FAM110A: variants seen among roughly 807,000 people sequenced by gnomAD.
FAM110A encodes protein FAM110A.
Under a neutral mutation model 4.0 loss-of-function variants are expected in FAM110A, and 1 was observed. That is an observed-to-expected ratio of 0.25 (90% CI 0.09 to 1.20). The LOEUF (loss-of-function observed/expected upper bound fraction) is 1.20, where lower values mean the gene tolerates loss of function less well. Ranked by LOEUF, FAM110A falls within the 50% of genes most tolerant of loss-of-function variation. The pLI is 0.50. For missense variants in FAM110A, 436 were observed against 429.2 expected (o/e 1.02, Z -0.14); for synonymous variants, 217 against 196.8 (o/e 1.10, Z -0.86).
Position 845,173 on chromosome 20 carries a change from C to A in FAM110A, c.369C>A (p.Ala123=). The A allele has an allele frequency of 6.4e-7, 1 of 1,571,272 alleles. No individual in the cohort carries two copies. The highest frequency in any genetic ancestry group is 1.2e-5 in the South Asian group (1 of 85,864). ...LCDSPVSPAE[A]SRTPGRAEGA... ...ACAGCCCCGTGTCCCCTGCCGAGGC[C>A]AGCCGCACTCCTGGACGGGCCGAGG... The change falls in exon 2 of 2, where the codon GCC becomes GCA. Residue 123 remains alanine, a synonymous_variant. Transcript: ENST00000381941.
chr20:845,386 C>G lies in FAM110A; in HGVS notation c.582C>G (p.Arg194=). The change falls in exon 2 of 2, where the codon CGC becomes CGG. Residue 194 remains arginine (R), a synonymous_variant. Transcript: ENST00000381941. ...LQRSKSDLSE[R]FSRAAADLER... ...GCTCCAAGTCGGACTTGAGCGAGCG[C>G]TTTTCTAGGGCAGCCGCTGATCTCG... 6.2e-7 allele frequency: 1 copy of G among 1,613,242 alleles called. No individual in the cohort carries two copies. The highest frequency in any genetic ancestry group is 8.5e-7 in the Non-Finnish European group (1 of 1,179,774).
chr20:845,998 C>T lies in FAM110A; in HGVS notation c.*306C>T. 1 of 405,308 alleles carries T rather than the reference C, an allele frequency of 2.5e-6. No individual in the cohort carries two copies. Among genetic ancestry groups the T allele is most frequent in the Non-Finnish European group, 4.6e-6 (1 of 216,922 alleles). 25.1% of individuals were successfully genotyped at this position (405,308 alleles called of 1,614,324 possible). On this transcript the variant is annotated 3_prime_UTR_variant, in exon 2 of 2. Coordinates refer to ENST00000381941, the MANE Select transcript of FAM110A (RefSeq NM_001042353.3). ...GGCTGCATTTGCGGTGCTTTGCCCTCCCCACTGTGAGTGAGGGGCCAAGGG... is the reference window on the plus strand; with the variant it reads ...GGCTGCATTTGCGGTGCTTTGCCCTTCCCACTGTGAGTGAGGGGCCAAGGG...
chr20:839,573 T>G, intron 1 of FAM110A: 2 of 1,003,336 alleles, frequency 2.0e-6, no homozygotes, highest in African/African-American at 3.2e-5. Context: ...TGTAGGTATC[T>G]CTGTCAGCTT....
At position 844,857 on chromosome 20, in the gene FAM110A, G is replaced by A. The variant is rs1980181251; in HGVS notation, c.53G>A (p.Cys18Tyr). 17 of 1,536,640 alleles carry A rather than the reference G, an allele frequency of 1.1e-5. No homozygotes were observed. Among genetic ancestry groups the A allele is most frequent in the Non-Finnish European group, 1.5e-5 (17 of 1,140,994 alleles). ...PGAPSAPALP[C>Y]RLRTRVPGYL... ...GCCCCGTCCGCCCCCGCCCTACCTT[G>A]CCGCCTGCGGACCAGGGTCCCTGGC... Residue 18 changes from cysteine to tyrosine, a missense_variant, in exon 2 of 2, where the codon TGC becomes TAC. Cys to Tyr is a radical substitution (Grantham distance 194, BLOSUM62 -2). Transcript: ENST00000381941.
chr20:835,164 ATCTCTCTCTCTCTCTC>A (rs143746608), intron 1 of FAM110A, among the ~76,000 whole-genome samples: 45 of 136,350 alleles, frequency 3.3e-4, no homozygotes, highest in African/African-American at 1.1e-3. Flanking sequence ...CAGTCCTCCC[ATCTCTCTCTCTCTCTC>A]TCTCTCTCTC....
intron 1 of FAM110A, among the ~76,000 whole-genome samples, chr20:835,002 C>G (rs1979494657): frequency 6.6e-6 from 1 of 151,936 alleles, no homozygotes; most frequent in Non-Finnish European, 1.5e-5. Context: ...TCATCTTCTC[C>G]CACTGTGATG....
chr20:838,522 T>TAA (rs10693381), intron 1 of FAM110A, among the ~76,000 whole-genome samples: 56,105 of 151,792 alleles, frequency 0.37, 11,235 homozygotes, highest in African/African-American at 0.53. Flanking sequence ...CTATCCTAGA[T>TAA]AAGAGTATCT....
chr20:835,457 C>T (rs1003953633), intron 1 of FAM110A, among the ~76,000 whole-genome samples: 1 of 151,798 alleles, frequency 6.6e-6, no homozygotes, highest in Non-Finnish European at 1.5e-5. Flanking sequence ...GATCTGCCTC[C>T]CCCTCCCCTT....
At position 834,178 on chromosome 20, in the gene FAM110A, C is replaced by G. The variant is rs1202750125; in HGVS notation, c.-98+227C>G. ...CCTAGTCTAGTCACATCTGGACTTGCCTTGAGAGGCCCAGACGGGCAACTG... is the reference window on the plus strand; with the variant it reads ...CCTAGTCTAGTCACATCTGGACTTGGCTTGAGAGGCCCAGACGGGCAACTG... On this transcript the variant is annotated intron_variant, in intron 1 of 1. Coordinates refer to ENST00000381941, the MANE Select transcript of FAM110A (RefSeq NM_001042353.3). The surrounding 1 kb of genome is among the most constrained non-coding windows in gnomAD (Gnocchi z 5.6). 6.6e-6 allele frequency among the ~76,000 whole-genome samples: 1 copy of G among 152,208 alleles called. No individual in the cohort carries two copies. The highest frequency in any genetic ancestry group is 1.5e-5 in the Non-Finnish European group (1 of 68,044).
At chr20:837,268 G>A (rs1210623256) in intron 1 of FAM110A, among the ~76,000 whole-genome samples, 4 of 152,014 alleles carry the variant, frequency 2.6e-5, no homozygotes, top group Non-Finnish European at 4.4e-5. Flanking sequence ...GGCCAGTCTG[G>A]TCTTGAACTC....
At chr20:842,377 T>G (rs1979980036) in intron 1 of FAM110A, among the ~76,000 whole-genome samples, 1 of 152,174 alleles carries the variant, frequency 6.6e-6, no homozygotes, top group Non-Finnish European at 1.5e-5. Flanking sequence ...TTCTCCCTCT[T>G]TATCCGGATG....
In FAM110A at chr20:845,138, G is replaced by T; in HGVS notation, c.334G>T (p.Asp112Tyr). ...CCTGGACATCCTCAGCAGCCTCATC[G>T]ACTTGTGTGACAGCCCCGTGTCCCC... is the stretch of plus-strand genomic sequence containing the variant. ...LDLDILSSLI[D>Y]LCDSPVSPAE... is the part of the protein sequence containing the mutation. Residue 112 changes from aspartate (D) to tyrosine (Y), a missense_variant, in exon 2 of 2, where the codon GAC (aspartate) becomes TAC (tyrosine). Coordinates refer to ENST00000381941, the MANE Select transcript of FAM110A (RefSeq NM_001042353.3). 1 of 1,580,414 alleles carries T rather than the reference G, an allele frequency of 6.3e-7. No homozygotes were observed. The highest frequency in any genetic ancestry group is 1.3e-5 in the African/African-American group (1 of 74,150).
In FAM110A at chr20:845,506, G is replaced by C. The variant is rs369490644; in HGVS notation, c.702G>C (p.Leu234=). 1.9e-6 allele frequency: 3 copies of C among 1,612,280 alleles called. No homozygotes were observed. The highest frequency in any genetic ancestry group is 2.5e-6 in the Non-Finnish European group (3 of 1,179,274). The change falls in exon 2 of 2, where the codon CTG becomes CTC. Residue 234 remains leucine, a synonymous_variant. Transcript: ENST00000381941. ...LARASSDIVS[L]AGPSAGPGSS... ...GGGCCAGCTCGGATATCGTGTCCCTGGCAGGGCCCAGTGCTGGGCCGGGCA... is the reference window on the plus strand; with the variant it reads ...GGGCCAGCTCGGATATCGTGTCCCTCGCAGGGCCCAGTGCTGGGCCGGGCA...
chr20:843,368 C>T (rs932003636), intron 1 of FAM110A, among the ~76,000 whole-genome samples: 1 of 152,196 alleles, frequency 6.6e-6, no homozygotes, highest in Non-Finnish European at 1.5e-5. Flanking sequence ...TAGCTTCCTA[C>T]CATGGATGGA....
At chr20:843,520 C>T (rs957174756) in intron 1 of FAM110A, among the ~76,000 whole-genome samples, 3 of 152,252 alleles carry the variant, frequency 2.0e-5, no homozygotes, top group East Asian at 3.8e-4. Flanking sequence ...TGAATAGCCA[C>T]ATGTGGCTGC....
At chr20:843,047 C>T (rs1980029539) in intron 1 of FAM110A, among the ~76,000 whole-genome samples, 1 of 152,060 alleles carries the variant, frequency 6.6e-6, no homozygotes, top group East Asian at 1.9e-4. Context: ...ATAGAGACAA[C>T]AAAGAGTAAA....
intron 1 of FAM110A, among the ~76,000 whole-genome samples, chr20:843,879 G>T (rs66496369): frequency 0.22 from 34,198 of 152,200 alleles, 4,046 homozygotes; most frequent in Middle Eastern, 0.33. Context: ...TCCATGCAGG[G>T]CTGTGTGATT....
chr20:836,927 G>A (rs1979603596), intron 1 of FAM110A, among the ~76,000 whole-genome samples: 2 of 151,398 alleles, frequency 1.3e-5, no homozygotes, highest in South Asian at 2.1e-4. Context: ...GTGATGTGGT[G>A]TCTCATTGTG....
Position 845,269 on chromosome 20 carries a change from C to T in FAM110A, c.465C>T (p.Asp155=), listed in dbSNP as rs781734555. Residue 155 remains aspartate, a synonymous_variant, in exon 2 of 2, where the codon GAC becomes GAT. Coordinates refer to ENST00000381941, the MANE Select transcript of FAM110A (RefSeq NM_001042353.3). ...PPSTSAVRRV[D]VRPLPASPAR... is the part of the protein sequence containing the mutation. ...GTACCTCTGCGGTCCGCCGGGTGGA[C>T]GTCCGCCCCCTGCCCGCCTCGCCTG... 3.3e-6 allele frequency: 5 copies of T among 1,493,738 alleles called. No individual in the cohort carries two copies. In the Admixed American group the frequency reaches 9.8e-5, roughly 29 times the overall value. 92.5% of individuals were successfully genotyped at this position (1,493,738 alleles called of 1,614,324 possible).
Sources: allele counts gnomAD v4.1 joint callset (sites outside exome capture counted in the v4.1 genomes callset), GRCh38; gene constraint gnomAD v4.1.1; non-coding constraint Gnocchi (gnomAD v3.1); transcripts MANE v1.5; gene names NCBI Gene and HGNC (gene_info 2026-07-23, HGNC 2026-07-21).